Variants in SHANK2 observed in about 807,000 individuals in gnomAD.
SHANK2 encodes the protein SH3 and multiple ankyrin repeat domains 2.
Under a neutral mutation model 133.7 loss-of-function variants are expected in SHANK2, and 43 were observed. The ratio of observed to expected loss-of-function variants is 0.32; its 90% confidence interval spans 0.25 to 0.41. The LOEUF is 0.41. Ranked by LOEUF, SHANK2 falls within the 10% of genes least tolerant of loss-of-function variation. The pLI is 1.00. For missense variants in SHANK2, 1,994 were observed against 2,235.8 expected (o/e 0.89, Z 2.18); for synonymous variants, 1,017 against 952.8 (o/e 1.07, Z -1.24).
At chr11:70,871,104 A>T (rs1317832340) in intron 11 of SHANK2, among the ~76,000 whole-genome samples, 2 of 152,196 alleles carry the variant, frequency 1.3e-5, no homozygotes, top group African/African-American at 4.8e-5. Flanking sequence ...TAAGAATATC[A>T]GTCCTACTGG....
intron 17 of SHANK2, among the ~76,000 whole-genome samples, chr11:70,596,792 C>T (rs569392241): frequency 6.6e-6 from 1 of 152,254 alleles, no homozygotes; most frequent in East Asian, 1.9e-4. Context: ...CTGTCTGGAG[C>T]TGTGCTCTCC....
At chr11:70,494,829 C>T (rs782707839) in intron 21 of SHANK2, among the ~76,000 whole-genome samples, 8 of 152,196 alleles carry the variant, frequency 5.3e-5, no homozygotes, top group African/African-American at 1.9e-4. Flanking sequence ...ACAGCACTCT[C>T]TCCCTTCATG....
At chr11:70,753,612 TAAAG>T (rs1946801522) in intron 14 of SHANK2, among the ~76,000 whole-genome samples, 1 of 68,020 alleles carries the variant, frequency 1.5e-5, no homozygotes, top group Non-Finnish European at 3.6e-5. Context: ...GACAAAGAAA[TAAAG>T]ACAGAAGACA....
chr11:70,947,132 AACACACACACACACACACACACAC>A lies in SHANK2; in HGVS notation c.1108-50589_1108-50566del, dbSNP rs144004521. ...GGTGAAATTCTTGAGGCACCTCTCC[AACACACACACACACACACACACAC>A]ACACACACACACACACACACACACA... On this transcript the variant is annotated intron_variant, in intron 10 of 25. Transcript: ENST00000601538. 2.6e-3 allele frequency among the ~76,000 whole-genome samples: 323 copies of A among 126,586 alleles called. 1 individual carries two copies. Among genetic ancestry groups the A allele is most frequent in the Middle Eastern group, 0.024 (6 of 246 alleles). 83.0% of individuals were successfully genotyped at this position (126,586 alleles called of 152,430 possible). A position where few individuals can be genotyped will look rare whatever the true frequency, so the allele number is the denominator to read the frequency against.
intron 8 of SHANK2, among the ~76,000 whole-genome samples, chr11:71,081,716 A>G (rs944193180): frequency 2.6e-4 from 40 of 152,322 alleles, no homozygotes; most frequent in African/African-American, 9.4e-4. Flanking sequence ...TTCTCCAAAC[A>G]GAACCTTGCC....
chr11:70,728,216 C>T (rs1555031188), intron 14 of SHANK2, among the ~76,000 whole-genome samples: 1 of 152,186 alleles, frequency 6.6e-6, no homozygotes, highest in African/African-American at 2.4e-5. Flanking sequence ...GAAAAGTACT[C>T]CCCAGTTGGA....
Position 70,783,147 on chromosome 11 carries a change from C to T in SHANK2, c.1777+15296G>A, listed in dbSNP as rs541349340. On this transcript the variant is annotated intron_variant, in intron 14 of 25. Coordinates refer to ENST00000601538, the MANE Select transcript of SHANK2 (RefSeq NM_012309.5). ...GGCCCTTCCCAGAAATGGCCATGCT[C>T]GCACCCTCATCTCTGACTGTCCAGC... 9.9e-5 allele frequency among the ~76,000 whole-genome samples: 15 copies of T among 152,254 alleles called. No individual in the cohort carries two copies. The East Asian group carries it at 1.9e-3, about 20-fold the overall frequency.
chr11:71,125,008 A>G (rs1555102398), intron 3 of SHANK2, among the ~76,000 whole-genome samples: 1 of 152,102 alleles, frequency 6.6e-6, no homozygotes, highest in African/African-American at 2.4e-5. Context: ...TACTATTGTC[A>G]TTGTTCTGGG....
chr11:70,806,942 G>A (rs529237908), intron 13 of SHANK2, 60 bp downstream of exon 13: 42 of 676,430 alleles, frequency 6.2e-5, no homozygotes, highest in African/African-American at 1.6e-4. Context: ...ACAGCAGGCC[G>A]GGTGAAGGGC....
At chr11:70,669,849 G>C (rs1183686731) in intron 15 of SHANK2, among the ~76,000 whole-genome samples, 2 of 152,226 alleles carry the variant, frequency 1.3e-5, no homozygotes, top group Non-Finnish European at 2.9e-5. Flanking sequence ...TGGGTGTGCT[G>C]ATGGCGGCTG....
At chr11:70,788,164 G>T (rs1303172691) in intron 14 of SHANK2, among the ~76,000 whole-genome samples, 8 of 152,160 alleles carry the variant, frequency 5.3e-5, no homozygotes, top group Non-Finnish European at 1.2e-4. Flanking sequence ...ACTGGGAGGT[G>T]TGACAGCCAA....
chr11:70,530,864 T>A (rs1367371738), intron 17 of SHANK2, among the ~76,000 whole-genome samples: 3 of 152,102 alleles, frequency 2.0e-5, no homozygotes, highest in African/African-American at 7.2e-5. Context: ...AAGTGTATGC[T>A]TAAAAATGGC....
Position 70,496,178 on chromosome 11 carries a change from A to C in SHANK2, c.2309-3713T>G, listed in dbSNP as rs1214816256. Among the ~76,000 whole-genome samples the C allele has an allele frequency of 2.6e-5, 4 of 152,290 alleles. No homozygotes were observed. In the East Asian group the frequency reaches 7.7e-4, roughly 29 times the overall value. ...GCCAGGCTCTGCTGTGCTGTTGGCC[A>C]TGTCTGGGCACATCAAGGAAGGTGG... On this transcript the variant is annotated intron_variant, in intron 21 of 25. Coordinates refer to ENST00000601538, the MANE Select transcript of SHANK2 (RefSeq NM_012309.5).
At chr11:70,561,010 T>G (rs782074074) in intron 17 of SHANK2, among the ~76,000 whole-genome samples, 7 of 152,232 alleles carry the variant, frequency 4.6e-5, no homozygotes, top group Non-Finnish European at 8.8e-5. Context: ...AGCGCAGAGA[T>G]AGCCCCACAC....
In SHANK2 at chr11:71,207,686, C is replaced by A. The variant is rs533357449; in HGVS notation, c.-13+17011G>T. 3.9e-5 allele frequency among the ~76,000 whole-genome samples: 6 copies of A among 152,306 alleles called. No individual in the cohort carries two copies. The East Asian group carries it at 1.2e-3, about 29-fold the overall frequency. On this transcript the variant is annotated intron_variant, in intron 2 of 25. Coordinates refer to ENST00000601538, the MANE Select transcript of SHANK2 (RefSeq NM_012309.5). The stretch of plus-strand genomic sequence containing the variant: ...AAGAAGCAAAAACAAATCGACAGAG[C>A]AGGACAGCACTGACGCCAGGGCCAG...
chr11:70,722,543 T>C (rs575991097), intron 14 of SHANK2, among the ~76,000 whole-genome samples: 2 of 152,356 alleles, frequency 1.3e-5, no homozygotes, highest in Admixed American at 1.3e-4. Context: ...TAAAAGGTAT[T>C]AGCTTGAGTT....
chr11:70,928,079 T>C (rs1331572820), intron 10 of SHANK2, among the ~76,000 whole-genome samples: 1 of 152,196 alleles, frequency 6.6e-6, no homozygotes, highest in African/African-American at 2.4e-5. Context: ...TATATTTATA[T>C]ATGTACACAT....
intron 15 of SHANK2, among the ~76,000 whole-genome samples, chr11:70,665,039 C>T (rs947933648): frequency 1.3e-5 from 2 of 152,208 alleles, no homozygotes; most frequent in South Asian, 2.1e-4. Flanking sequence ...TGTCTGCACA[C>T]GCCACCCTCT....
In SHANK2 at chr11:70,478,178, C is replaced by CT. The variant is rs201773776; in HGVS notation, c.4980-4740dup. On this transcript the variant is annotated intron_variant, in intron 25 of 25. Coordinates refer to ENST00000601538, the MANE Select transcript of SHANK2 (RefSeq NM_012309.5). The stretch of plus-strand genomic sequence containing the variant: ...TTTACTGTTTACAAATTCAATTTGG[C>CT]TTTTTTTTTTTTGGAGACGGGGTCA... Among the ~76,000 whole-genome samples the CT allele has an allele frequency of 4.4e-3, 643 of 144,536 alleles. 3 individuals are homozygous for CT. The highest frequency in any genetic ancestry group is 7.7e-3 in the South Asian group (35 of 4,538). 94.8% of individuals were successfully genotyped at this position (144,536 alleles called of 152,430 possible). A position where few individuals can be genotyped will look rare whatever the true frequency, so the allele number is the denominator to read the frequency against.
Sources: gnomAD v4.1 joint callset for allele counts (sites outside exome capture counted in the v4.1 genomes callset) on GRCh38, gnomAD v4.1.1 for gene constraint, MANE v1.5 for transcripts, NCBI Gene and HGNC (gene_info 2026-07-23, HGNC 2026-07-21) for gene names.